The following FAM118B variants were observed in gnomAD, a reference collection of about 807,000 sequenced individuals.
FAM118B encodes the protein SIR2 antiphage like 1.
Under a neutral mutation model 38.5 loss-of-function variants are expected in FAM118B, and 24 were observed. The observed-to-expected ratio is 0.62, with a 90% CI of 0.45 to 0.88. The LOEUF (loss-of-function observed/expected upper bound fraction) is 0.88, where lower values mean the gene tolerates loss of function less well. Ranked by LOEUF, FAM118B falls within the 40% of genes least tolerant of loss-of-function variation. The pLI is 0.00. For synonymous variants in FAM118B, 138 were observed against 156.3 expected (o/e 0.88, Z 0.87); for missense variants, 334 against 420.0 (o/e 0.80, Z 1.79).
At chr11:126,261,374 AAT>A in intron 7 of FAM118B, 49 bp from the exon 8 acceptor site, 1 of 1,499,358 alleles carries the variant, frequency 6.7e-7, no homozygotes, top group Non-Finnish European at 9.3e-7. Context: ...TTTTGCTATT[AAT>A]AGTTTTAGCT....
Position 126,250,599 on chromosome 11 carries a change from C to A in FAM118B, c.433C>A (p.Leu145Ile). ...ESKMEDSGKQ[L>I]LQSVLHLMEN... The stretch of plus-strand genomic sequence containing the variant: ...AAAGATGGAAGATTCTGGAAAACAG[C>A]TACTTCAGTCAGTTCTCCACCTGAT... Residue 145 changes from leucine to isoleucine, a missense_variant, in exon 5 of 9, where the codon CTA becomes ATA. Physicochemically the swap from Leu to Ile is conservative, Grantham distance 5. Coordinates refer to ENST00000533050, the MANE Select transcript of FAM118B (RefSeq NM_024556.4). This position sits in a 1 kb window ranked among gnomAD's most constrained non-coding sequence, Gnocchi z 5.1. 1 of 1,613,712 alleles carries A rather than the reference C, an allele frequency of 6.2e-7. No homozygotes were observed. The highest frequency in any genetic ancestry group is 8.5e-7 in the Non-Finnish European group (1 of 1,179,600).
At chr11:126,234,766 T>A (rs1366320962) in intron 2 of FAM118B, among the ~76,000 whole-genome samples, 1 of 152,190 alleles carries the variant, frequency 6.6e-6, no homozygotes, top group Non-Finnish European at 1.5e-5. Context: ...AGCAAGATGG[T>A]AGTATGGAGC....
rs1038069959 is a variant in FAM118B at position 126,256,338 on chromosome 11, C to T, written c.697-229C>T. Among the ~76,000 whole-genome samples, 3 of 152,298 alleles carry T rather than the reference C, an allele frequency of 2.0e-5. No individual in the cohort carries two copies. Among genetic ancestry groups the T allele is most frequent in the East Asian group, 1.9e-4 (1 of 5,182 alleles). On this transcript the variant is annotated intron_variant, in intron 6 of 8. Transcript: ENST00000533050. This position sits in a 1 kb window ranked among gnomAD's most constrained non-coding sequence, Gnocchi z 6.6. ...GTACACTGACACCAGCTCTATGAAA[C>T]GCTGATTAGAGAGCCTACAGAAGAA...
At chr11:126,214,725 T>C (rs1401648878) in intron 1 of FAM118B, among the ~76,000 whole-genome samples, 3 of 152,090 alleles carry the variant, frequency 2.0e-5, no homozygotes, top group African/African-American at 7.2e-5. Flanking sequence ...ACATGACTTA[T>C]TTACATTGAT....
chr11:126,259,009 C>G (rs374561560), intron 7 of FAM118B, among the ~76,000 whole-genome samples: 5 of 152,190 alleles, frequency 3.3e-5, no homozygotes, highest in Admixed American at 2.6e-4. Flanking sequence ...AGTTACCCAT[C>G]ATTAAGGTGT....
intron 1 of FAM118B, among the ~76,000 whole-genome samples, chr11:126,214,850 C>T (rs541455547): frequency 1.3e-5 from 2 of 152,174 alleles, no homozygotes; most frequent in African/African-American, 2.4e-5. Context: ...ATTAGTATTT[C>T]GCAAATATAA....
At position 126,252,144 on chromosome 11, in the gene FAM118B, G is replaced by A. The variant is rs543616207; in HGVS notation, c.567+1411G>A. 1.2e-4 allele frequency among the ~76,000 whole-genome samples: 18 copies of A among 151,730 alleles called. No individual in the cohort carries two copies. Among genetic ancestry groups the A allele is most frequent in the Admixed American group, 7.2e-4 (11 of 15,174 alleles). ...TGGGATTACAGGCACCCGCCATCAC[G>A]TCTGGCTAATTTTTGTATTTTCAGT... is the stretch of plus-strand genomic sequence containing the variant. On this transcript the variant is annotated intron_variant, in intron 5 of 8. Transcript: ENST00000533050. This position sits in a 1 kb window ranked among gnomAD's most constrained non-coding sequence, Gnocchi z 4.7.
intron 1 of FAM118B, among the ~76,000 whole-genome samples, chr11:126,219,138 T>C (rs887327107): frequency 6.6e-6 from 1 of 152,254 alleles, no homozygotes; most frequent in African/African-American, 2.4e-5. Context: ...ACATTCTTGG[T>C]TTTATACCTT....
chr11:126,225,838 G>A (rs1950132928), intron 1 of FAM118B, among the ~76,000 whole-genome samples: 1 of 152,092 alleles, frequency 6.6e-6, no homozygotes, highest in South Asian at 2.1e-4. Flanking sequence ...AAATTAGCTG[G>A]GCGTGGTGGT....
intron 1 of FAM118B, among the ~76,000 whole-genome samples, chr11:126,213,219 G>C (rs1273142463): frequency 1.3e-5 from 2 of 152,122 alleles, no homozygotes; most frequent in East Asian, 3.9e-4. Flanking sequence ...TGCTAGGTGT[G>C]TCTGAACATT....
At position 126,241,129 on chromosome 11, in the gene FAM118B, GCATGCCAAAT is replaced by G. The variant is rs569014741; in HGVS notation, c.339+86_339+95del. On this transcript the variant is annotated intron_variant, in intron 4 of 8. Coordinates refer to ENST00000533050, the MANE Select transcript of FAM118B (RefSeq NM_024556.4). ...TAGCATGATTTGGCTGTCAAAACTA[GCATGCCAAAT>G]GTAACAGGGATATTCATTTACAGCT... 205 of 1,373,320 alleles carry G rather than the reference GCATGCCAAAT, an allele frequency of 1.5e-4. No individual in the cohort carries two copies. In the African/African-American group the frequency reaches 2.7e-3, roughly 18 times the overall value. The allele number at this position is 1,373,320 out of a possible 1,614,324, so 85.1% of individuals were successfully genotyped here. A position where few individuals can be genotyped will look rare whatever the true frequency, so the allele number is the denominator to read the frequency against.
At chr11:126,235,741 G>A (rs554467463) in intron 3 of FAM118B, among the ~76,000 whole-genome samples, 52 of 152,216 alleles carry the variant, frequency 3.4e-4, no homozygotes, top group Non-Finnish European at 6.3e-4. Flanking sequence ...GGCTGGTCTC[G>A]AACCCCTGAC....
intron 1 of FAM118B, among the ~76,000 whole-genome samples, chr11:126,224,308 A>G (rs1307224518): frequency 1.3e-5 from 2 of 151,914 alleles, no homozygotes; most frequent in East Asian, 3.9e-4. Context: ...CCCTGTCTCT[A>G]CAAAATACAA....
At position 126,255,596 on chromosome 11, in the gene FAM118B, C is replaced by T. The variant is rs1950566036; in HGVS notation, c.697-971C>T. 6.6e-6 allele frequency among the ~76,000 whole-genome samples: 1 copy of T among 152,140 alleles called. No individual in the cohort carries two copies. Among genetic ancestry groups the T allele is most frequent in the African/African-American group, 2.4e-5 (1 of 41,422 alleles). On this transcript the variant is annotated intron_variant, in intron 6 of 8. Coordinates refer to ENST00000533050, the MANE Select transcript of FAM118B (RefSeq NM_024556.4). This position sits in a 1 kb window ranked among gnomAD's most constrained non-coding sequence, Gnocchi z 4.6. ...GTGATTCACAGTTCAGTTTGTGAGACAAAGGCAAATATGGTCCAGAAATGG... is the reference window on the plus strand; with the variant it reads ...GTGATTCACAGTTCAGTTTGTGAGATAAAGGCAAATATGGTCCAGAAATGG...
chr11:126,257,574 C>T (rs1591529934), intron 7 of FAM118B, among the ~76,000 whole-genome samples: 2 of 148,804 alleles, frequency 1.3e-5, no homozygotes, highest in Non-Finnish European at 3.0e-5. Flanking sequence ...TTGTAAATAC[C>T]ATGGTCAGCT....
chr11:126,213,897 T>G (rs1328899565), intron 1 of FAM118B, among the ~76,000 whole-genome samples: 1 of 152,240 alleles, frequency 6.6e-6, no homozygotes, highest in Non-Finnish European at 1.5e-5. Context: ...TAGGTTTGTC[T>G]TGTTGAAACT....
intron 1 of FAM118B, among the ~76,000 whole-genome samples, chr11:126,213,112 T>C (rs1949912559): frequency 6.6e-6 from 1 of 151,176 alleles, no homozygotes. Flanking sequence ...CTGCTGTTGA[T>C]CTGTGAGTCC....
chr11:126,236,010 T>C (rs1254926729), intron 3 of FAM118B, among the ~76,000 whole-genome samples: 1 of 152,214 alleles, frequency 6.6e-6, no homozygotes, highest in Non-Finnish European at 1.5e-5. Flanking sequence ...ATAAATCTCC[T>C]AGCTATACTG....
rs1423969485 is a variant in FAM118B, at chr11:126,253,397, T to G, written c.568-908T>G. ...GTGATAAGAATAAATGTATGCTGTC[T>G]CCAGTCCTTGGGAAAATGGAGCCAT... On this transcript the variant is annotated intron_variant, in intron 5 of 8. Coordinates refer to ENST00000533050, the MANE Select transcript of FAM118B (RefSeq NM_024556.4). This position sits in a 1 kb window ranked among gnomAD's most constrained non-coding sequence, Gnocchi z 5.1. Among the ~76,000 whole-genome samples the G allele has an allele frequency of 2.0e-5, 3 of 152,194 alleles. No individual in the cohort carries two copies. Among genetic ancestry groups the G allele is most frequent in the Non-Finnish European group, 4.4e-5 (3 of 68,042 alleles).
Sources: gnomAD v4.1 joint callset for allele counts (sites outside exome capture counted in the v4.1 genomes callset) on GRCh38, gnomAD v4.1.1 for gene constraint, Gnocchi (gnomAD v3.1) non-coding constraint, MANE v1.5 for transcripts, NCBI Gene and HGNC (gene_info 2026-07-23, HGNC 2026-07-21) for gene names.